The following VTCN1 variants were observed in gnomAD, a reference collection of about 807,000 sequenced individuals.
The protein encoded by VTCN1 is V-set domain containing T cell activation inhibitor 1, also known as V-set domain-containing T-cell activation inhibitor 1.
VTCN1 carries 26 observed loss-of-function variants against 26.5 expected under a neutral mutation model. The observed-to-expected ratio is 0.98, with a 90% CI of 0.72 to 1.36. The LOEUF is 1.36. Ranked by LOEUF, VTCN1 falls within the 40% of genes most tolerant of loss-of-function variation. The probability of loss-of-function intolerance (pLI) is 0.00; values close to 1 mark genes in which losing one functional copy is unlikely to be tolerated. For synonymous variants in VTCN1, 116 were observed against 130.7 expected (o/e 0.89, Z 0.77); for missense variants, 298 against 337.7 (o/e 0.88, Z 0.92).
intron 4 of VTCN1, among the ~76,000 whole-genome samples, chr1:117,150,779 A>T (rs962707630): frequency 6.6e-6 from 1 of 151,556 alleles, no homozygotes; most frequent in African/African-American, 2.4e-5. Flanking sequence ...TTCTCCTTCA[A>T]CTCTTCCACC....
intron 1 of VTCN1, among the ~76,000 whole-genome samples, chr1:117,190,162 A>G (rs1291458581): frequency 6.6e-6 from 1 of 152,176 alleles, no homozygotes; most frequent in Non-Finnish European, 1.5e-5. Flanking sequence ...TGCTGTGCTT[A>G]TGGAACAGTC....
chr1:117,184,002 C>T (rs1459619805), intron 1 of VTCN1, among the ~76,000 whole-genome samples: 2 of 152,094 alleles, frequency 1.3e-5, no homozygotes, highest in African/African-American at 4.8e-5. Flanking sequence ...GCTAAGGGGC[C>T]ATTCAAGCTG....
At chr1:117,158,226 G>A (rs1017073803) in intron 2 of VTCN1, among the ~76,000 whole-genome samples, 21 of 152,152 alleles carry the variant, frequency 1.4e-4, no homozygotes, top group African/African-American at 5.1e-4. Context: ...TTTGTGTTGG[G>A]GCTCCGACTC....
chr1:117,208,902 C>T (rs1649227955), intron 1 of VTCN1, among the ~76,000 whole-genome samples: 1 of 152,180 alleles, frequency 6.6e-6, no homozygotes, highest in Admixed American at 6.5e-5. Flanking sequence ...CCAACATCAC[C>T]ACTGTCATGA....
Position 117,165,309 on chromosome 1 carries a change from T to C in VTCN1, c.97+4798A>G, listed in dbSNP as rs567140352. Reference sequence around the variant, plus strand: ...GGCAAATCATGCATGCAAAGTTATTTAGTACAGTGAAGTGCATGAAGAAAG... The same window carrying C: ...GGCAAATCATGCATGCAAAGTTATTCAGTACAGTGAAGTGCATGAAGAAAG... On this transcript the variant is annotated intron_variant, in intron 2 of 5. Coordinates refer to ENST00000369458, the MANE Select transcript of VTCN1 (RefSeq NM_024626.4). 4.4e-4 allele frequency among the ~76,000 whole-genome samples: 67 copies of C among 152,350 alleles called. 1 individual carries two copies. In the South Asian group the frequency reaches 0.014, roughly 31 times the overall value.
intron 1 of VTCN1, chr1:117,173,244 A>G (rs1048208606): frequency 6.2e-5 from 44 of 708,394 alleles, no homozygotes; most frequent in Admixed American, 3.3e-4. Context: ...ACCAGAAGGA[A>G]TAAATTCCGG....
At chr1:117,192,539 G>A (rs1412153821) in intron 1 of VTCN1, among the ~76,000 whole-genome samples, 1 of 152,096 alleles carries the variant, frequency 6.6e-6, no homozygotes, top group Non-Finnish European at 1.5e-5. Context: ...ACATTAAACT[G>A]TAGTATAAAA....
At chr1:117,151,523 C>A (rs6689079) in intron 4 of VTCN1, among the ~76,000 whole-genome samples, 4,129 of 142,996 alleles carry the variant, frequency 0.029, 92 homozygotes, top group Non-Finnish European at 0.037. Context: ...TTGGCCCCGC[C>A]CACTTCCTGC....
intron 1 of VTCN1, among the ~76,000 whole-genome samples, chr1:117,206,724 C>T (rs978498921): frequency 6.6e-6 from 1 of 152,060 alleles, no homozygotes. Flanking sequence ...CTAGAAAGAT[C>T]CTGTAAGACT....
At chr1:117,154,818 A>T (rs1310696032) in intron 3 of VTCN1, among the ~76,000 whole-genome samples, 1 of 151,802 alleles carries the variant, frequency 6.6e-6, no homozygotes, top group East Asian at 1.9e-4. Flanking sequence ...GAAAAGAAAA[A>T]AAAGAAAAAA....
At position 117,147,761 on chromosome 1, in the gene VTCN1, C is replaced by T. The variant is rs746851055; in HGVS notation, c.746G>A (p.Ser249Asn). Residue 249 changes from serine (S) to asparagine (N), a missense_variant, in exon 5 of 6, where the codon AGT (serine) becomes AAT (asparagine). Ser to Asn is a conservative substitution (Grantham distance 46). Transcript: ENST00000369458. This position sits in a 1 kb window ranked among gnomAD's most constrained non-coding sequence, Gnocchi z 4.6. ...KVTESEIKRR[S>N]HLQLLNSKAS... ...CTTTGAGTTTAGCAGCTGTAGGTGA[C>T]TCCGCCTTTTGATCTCCGATTCTGT... 6.8e-6 allele frequency: 11 copies of T among 1,613,642 alleles called. No homozygotes were observed. The South Asian group carries it at 9.9e-5, about 15-fold the overall frequency.
chr1:117,170,323 A>T (rs1261396425), intron 1 of VTCN1, 152 bp from the exon 2 acceptor site: 6 of 780,232 alleles, frequency 7.7e-6, no homozygotes, highest in African/African-American at 1.7e-5. Flanking sequence ...AGAAACGGGT[A>T]CCTTAGAAAG....
intron 1 of VTCN1, among the ~76,000 whole-genome samples, chr1:117,179,714 GCT>G (rs1647577462): frequency 6.6e-6 from 1 of 152,134 alleles, no homozygotes; most frequent in Non-Finnish European, 1.5e-5. Flanking sequence ...CCTGGGATTT[GCT>G]CTGGCCTTGG....
intron 3 of VTCN1, among the ~76,000 whole-genome samples, chr1:117,154,806 A>G (rs1384704029): frequency 6.6e-6 from 1 of 151,342 alleles, no homozygotes; most frequent in Non-Finnish European, 1.5e-5. Flanking sequence ...AAAAAAAAGA[A>G]AGAAAAGAAA....
In VTCN1 at chr1:117,188,221, G is replaced by A. The variant is rs115247592; in HGVS notation, c.33-18050C>T. 1.8e-3 allele frequency among the ~76,000 whole-genome samples: 272 copies of A among 152,252 alleles called. 1 individual carries two copies. Among genetic ancestry groups the A allele is most frequent in the African/African-American group, 6.3e-3 (262 of 41,536 alleles). ...TATGATCTAGAACAGATCAGAGAGC[G>A]AGAGAGAGAAGGAGAGAGACGGACA... is the stretch of plus-strand genomic sequence containing the variant. On this transcript the variant is annotated intron_variant, in intron 1 of 5. Coordinates refer to ENST00000369458, the MANE Select transcript of VTCN1 (RefSeq NM_024626.4).
intron 4 of VTCN1, among the ~76,000 whole-genome samples, chr1:117,151,427 G>C (rs903987316): frequency 6.6e-6 from 1 of 152,164 alleles, no homozygotes; most frequent in Non-Finnish European, 1.5e-5. Context: ...ATTGTGAACA[G>C]CAAAACACCA....
Position 117,210,918 on chromosome 1 carries a change from G to A in VTCN1, c.-63C>T, listed in dbSNP as rs1176736712. On this transcript the variant is annotated 5_prime_UTR_variant, in exon 1 of 6. Coordinates refer to ENST00000369458, the MANE Select transcript of VTCN1 (RefSeq NM_024626.4). ...GAGTGGAGCTGCCGCTGCCTTCCTT[G>A]GTGACTCACAACCAGCTCCCGTGTA... 1 of 1,573,744 alleles carries A rather than the reference G, an allele frequency of 6.4e-7. No homozygotes were observed. The highest frequency in any genetic ancestry group is 1.3e-5 in the African/African-American group (1 of 74,120).
chr1:117,187,939 A>G (rs2101571850), intron 1 of VTCN1, among the ~76,000 whole-genome samples: 1 of 152,278 alleles, frequency 6.6e-6, no homozygotes, highest in Non-Finnish European at 1.5e-5. Flanking sequence ...TACCCACTTC[A>G]CTCACTTTGA....
At chr1:117,203,632 T>C (rs1648902668) in intron 1 of VTCN1, 1 of 985,436 alleles carries the variant, frequency 1.0e-6, no homozygotes, top group Non-Finnish European at 1.2e-6. Context: ...AGAAACTTCA[T>C]GGCTTTTCCT....
Sources: gnomAD v4.1 joint callset for allele counts (sites outside exome capture counted in the v4.1 genomes callset) on GRCh38, gnomAD v4.1.1 for gene constraint, Gnocchi (gnomAD v3.1) non-coding constraint, MANE v1.5 for transcripts, NCBI Gene and HGNC (gene_info 2026-07-23, HGNC 2026-07-21) for gene names.